The following MALRD1 variants were observed in gnomAD, a reference collection of about 807,000 sequenced individuals.
MALRD1 encodes the protein MAM and LDL-receptor class A domain-containing protein 1.
Under a neutral mutation model 242.1 loss-of-function variants are expected in MALRD1, and 247 were observed. The observed-to-expected ratio is 1.02, with a 90% confidence interval of 0.92 to 1.13. The LOEUF (loss-of-function observed/expected upper bound fraction) is 1.13. MALRD1 is among the 50% of genes most tolerant of loss of function. MALRD1 has a pLI of 0.00. For synonymous variants in MALRD1, 995 were observed against 866.6 expected (o/e 1.15, Z -2.60); for missense variants, 2,989 against 2,533.1 (o/e 1.18, Z -3.86).
chr10:19,436,207 G>A (rs564813428), intron 28 of MALRD1, among the ~76,000 whole-genome samples: 41 of 152,256 alleles, frequency 2.7e-4, no homozygotes, highest in Non-Finnish European at 5.3e-4. Flanking sequence ...TACTAGAAGC[G>A]ACAACTGAGC....
At chr10:19,402,222 A>G (rs915540371) in intron 28 of MALRD1, among the ~76,000 whole-genome samples, 3 of 152,156 alleles carry the variant, frequency 2.0e-5, no homozygotes, top group Non-Finnish European at 4.4e-5. Context: ...ACTTAACACA[A>G]TCACCAAACT....
chr10:19,456,920 G>A (rs78464475), intron 29 of MALRD1, among the ~76,000 whole-genome samples: 1,580 of 152,006 alleles, frequency 0.01, 26 homozygotes, highest in East Asian at 0.048. Context: ...TTACAGGCAT[G>A]CACCACCATG....
At chr10:19,282,876 A>C in intron 20 of MALRD1, 143 bp from the exon 21 acceptor site, 1 of 562,504 alleles carries the variant, frequency 1.8e-6, no homozygotes, top group Non-Finnish European at 2.7e-6. Flanking sequence ...CAGTGATTTT[A>C]CAAACCATTT....
At chr10:19,498,415 C>A in intron 30 of MALRD1, 70 bp from the exon 31 acceptor site, 1 of 1,345,724 alleles carries the variant, frequency 7.4e-7, no homozygotes, top group Admixed American at 2.6e-5. Context: ...TTTAAATGAT[C>A]CCAAATATAG....
chr10:19,132,975 G>A (rs974462342), intron 8 of MALRD1, among the ~76,000 whole-genome samples: 12 of 151,644 alleles, frequency 7.9e-5, no homozygotes, highest in South Asian at 6.2e-4. Context: ...ATGCTCTGTC[G>A]CCCAGGCTGG....
intron 28 of MALRD1, among the ~76,000 whole-genome samples, chr10:19,426,239 A>G (rs1010773318): frequency 6.6e-6 from 1 of 152,178 alleles, no homozygotes; most frequent in Non-Finnish European, 1.5e-5. Flanking sequence ...AAAATGGGGT[A>G]CTTAGTGGTT....
chr10:19,482,267 A>G (rs559965577), intron 29 of MALRD1, among the ~76,000 whole-genome samples: 3 of 152,216 alleles, frequency 2.0e-5, no homozygotes, highest in South Asian at 2.1e-4. Flanking sequence ...CTTGCAAATT[A>G]AAAACTTTTG....
At chr10:19,504,678 T>G (rs1377246311) in intron 31 of MALRD1, among the ~76,000 whole-genome samples, 2 of 136,316 alleles carry the variant, frequency 1.5e-5, no homozygotes, top group African/African-American at 5.7e-5. Flanking sequence ...TTTTTTTTTT[T>G]TTTTTTTTTT....
intron 26 of MALRD1, among the ~76,000 whole-genome samples, chr10:19,356,070 G>C (rs1460447353): frequency 2.6e-5 from 4 of 151,172 alleles, no homozygotes; most frequent in Non-Finnish European, 5.9e-5. Flanking sequence ...GCTCTAATGA[G>C]GTCTTCTAGA....
At chr10:19,730,863 G>C (rs1292662281) in intron 39 of MALRD1, 82 bp downstream of exon 39, 1 of 1,261,688 alleles carries the variant, frequency 7.9e-7, no homozygotes, top group Non-Finnish European at 1.1e-6. Context: ...CTGAACCAGT[G>C]TTGCTTGATC....
At chr10:19,351,117 A>G (rs779608701) in intron 25 of MALRD1, among the ~76,000 whole-genome samples, 1 of 152,124 alleles carries the variant, frequency 6.6e-6, no homozygotes, top group Non-Finnish European at 1.5e-5. Context: ...AACGGTGTTC[A>G]TTTTTCTTCT....
chr10:19,641,142 C>T (rs910541534), intron 36 of MALRD1, among the ~76,000 whole-genome samples: 5 of 151,976 alleles, frequency 3.3e-5, no homozygotes, highest in East Asian at 3.9e-4. Flanking sequence ...TCTATGATGG[C>T]GGGTAATTTT....
intron 2 of MALRD1, among the ~76,000 whole-genome samples, chr10:19,077,978 T>G (rs1835368477): frequency 6.6e-6 from 1 of 151,930 alleles, no homozygotes; most frequent in East Asian, 1.9e-4. Flanking sequence ...TTTCCCTTCT[T>G]ACATGAAAAC....
intron 18 of MALRD1, among the ~76,000 whole-genome samples, chr10:19,223,236 A>C: frequency 6.6e-6 from 1 of 152,082 alleles, no homozygotes; most frequent in East Asian, 1.9e-4. Context: ...AAGAAATTCA[A>C]TGTTCCTGGT....
At chr10:19,513,663 C>T (rs1327945355) in intron 31 of MALRD1, among the ~76,000 whole-genome samples, 7 of 151,658 alleles carry the variant, frequency 4.6e-5, no homozygotes, top group Non-Finnish European at 7.4e-5. Context: ...GGTGTGAACC[C>T]GGGAGGCGGC....
intron 26 of MALRD1, 126 bp from the exon 27 acceptor site, chr10:19,387,402 A>C: frequency 8.7e-7 from 1 of 1,143,346 alleles, no homozygotes; most frequent in Non-Finnish European, 1.2e-6. Context: ...GGGTTCAGGT[A>C]CCTCAAATTC....
At chr10:19,319,285 C>G (rs116744376) in intron 21 of MALRD1, among the ~76,000 whole-genome samples, 40 of 152,068 alleles carry the variant, frequency 2.6e-4, no homozygotes, top group African/African-American at 9.4e-4. Context: ...TATAATCTAC[C>G]TGGAATTTAT....
At chr10:19,333,598 C>T (rs895345446) in intron 24 of MALRD1, among the ~76,000 whole-genome samples, 2 of 152,014 alleles carry the variant, frequency 1.3e-5, no homozygotes, top group Non-Finnish European at 2.9e-5. Context: ...AATCGTGCTC[C>T]GATGAACATA....
chr10:19,594,994 T>C (rs1838006791), intron 33 of MALRD1, among the ~76,000 whole-genome samples, 200 bp from the exon 34 acceptor site: 1 of 152,174 alleles, frequency 6.6e-6, no homozygotes, highest in Non-Finnish European at 1.5e-5. Flanking sequence ...ATTAAAATAA[T>C]TTTTTATGTT....
Sources: gnomAD v4.1 joint callset for allele counts (sites outside exome capture counted in the v4.1 genomes callset) on GRCh38, gnomAD v4.1.1 for gene constraint, MANE v1.5 for transcripts, NCBI Gene and HGNC (gene_info 2026-07-23, HGNC 2026-07-21) for gene names.